AACS: variants seen among roughly 807,000 people sequenced by gnomAD.
AACS encodes the protein acetoacetyl-CoA synthetase.
Under a neutral mutation model 83.1 loss-of-function variants are expected in AACS, and 69 were observed. The observed-to-expected ratio is 0.83, with a 90% CI of 0.68 to 1.01. AACS has a LOEUF of 1.01. AACS is among the 50% of genes least tolerant of loss of function. The pLI, the probability that AACS is intolerant of heterozygous loss-of-function variation, is 0.00. For synonymous variants in AACS, 333 were observed against 343.4 expected (o/e 0.97, Z 0.33); for missense variants, 866 against 882.2 (o/e 0.98, Z 0.23).
At chr12:125,092,006 C>T (rs1265757336) in intron 5 of AACS, among the ~76,000 whole-genome samples, 1 of 152,224 alleles carries the variant, frequency 6.6e-6, no homozygotes, top group African/African-American at 2.4e-5. Context: ...GGTGGCCTCT[C>T]TGTCCCCAAA....
rs1956894839 is a variant in AACS, at chr12:125,109,066, T to C, written c.915+1798T>C. 1.3e-5 allele frequency among the ~76,000 whole-genome samples: 2 copies of C among 152,156 alleles called. 1 individual carries two copies. The highest frequency in any genetic ancestry group is 4.8e-5 in the African/African-American group (2 of 41,428). On this transcript the variant is annotated intron_variant, in intron 8 of 17. Transcript: ENST00000316519. ...TAGAAAAGCTGCAAGAATAGTAAGC[T>C]CCATGGTACCCTTCAGCTGAATTCT...
chr12:125,082,553 G>A (rs1200813853), intron 3 of AACS, among the ~76,000 whole-genome samples: 1 of 13,418 alleles, frequency 7.5e-5, no homozygotes, highest in East Asian at 1.6e-3. Context: ...CCAGCACGGT[G>A]GCTCACACCT....
In AACS at chr12:125,129,823, C is replaced by T. The variant is rs982649008; in HGVS notation, c.1549+363C>T. On this transcript the variant is annotated intron_variant, in intron 14 of 17. Coordinates refer to ENST00000316519, the MANE Select transcript of AACS (RefSeq NM_023928.5). This position sits in a 1 kb window ranked among gnomAD's most constrained non-coding sequence, Gnocchi z 4.3. ...ATGCCTGCCTGTTCACGAGGAGTGG[C>T]ATGTGGAAGTGGCGTCTGGCTCGGG... Among the ~76,000 whole-genome samples the T allele has an allele frequency of 1.3e-5, 2 of 152,122 alleles. No individual in the cohort carries two copies. Among genetic ancestry groups the T allele is most frequent in the African/African-American group, 2.4e-5 (1 of 41,426 alleles).
intron 12 of AACS, chr12:125,127,890 A>T (rs1311069038): frequency 3.6e-6 from 1 of 277,360 alleles, no homozygotes; most frequent in Admixed American, 5.1e-5. Flanking sequence ...GAATTTCAGC[A>T]TGACCACAGG....
intron 3 of AACS, 92 bp downstream of exon 3, chr12:125,076,703 C>T (rs1216977246): frequency 1.3e-6 from 2 of 1,547,908 alleles, no homozygotes; most frequent in Admixed American, 3.7e-5. Flanking sequence ...GATAGGATTT[C>T]TAAACCATAT....
rs1957296217 is a variant in AACS, at chr12:125,129,396, C to T, written c.1485C>T (p.Pro495=). 1 of 1,614,052 alleles carries T rather than the reference C, an allele frequency of 6.2e-7. No homozygotes were observed. The highest frequency in any genetic ancestry group is 8.5e-7 in the Non-Finnish European group (1 of 1,179,996). ...LVCTKPIPCQ[P]THFWNDENGN... is the part of the protein sequence containing the mutation. ...GTACTAAGCCGATCCCTTGCCAGCC[C>T]ACACACTTCTGGAACGATGAGAACG... Residue 495 remains proline (P), a synonymous_variant, in exon 14 of 18, where the codon CCC becomes CCT. Coordinates refer to ENST00000316519, the MANE Select transcript of AACS (RefSeq NM_023928.5). This position sits in a 1 kb window ranked among gnomAD's most constrained non-coding sequence, Gnocchi z 4.3.
intron 4 of AACS, among the ~76,000 whole-genome samples, chr12:125,087,579 C>T (rs1956367951): frequency 6.6e-6 from 1 of 152,222 alleles, no homozygotes; most frequent in South Asian, 2.1e-4. Context: ...ACAAGGACCA[C>T]AGGGGGCGGG....
intron 3 of AACS, among the ~76,000 whole-genome samples, chr12:125,083,830 T>G (rs1956261339): frequency 6.6e-6 from 1 of 151,978 alleles, no homozygotes; most frequent in African/African-American, 2.4e-5. Context: ...AGTTTTATAT[T>G]TTTAGTACAG....
intron 3 of AACS, among the ~76,000 whole-genome samples, chr12:125,080,232 C>T (rs942457146): frequency 3.3e-5 from 5 of 152,192 alleles, no homozygotes; most frequent in African/African-American, 1.2e-4. Flanking sequence ...TTTTCCTCGT[C>T]TCTTTAAATG....
Position 125,076,625 on chromosome 12 carries a change from G to A in AACS, c.358+14G>A. 1 of 1,613,662 alleles carries A rather than the reference G, an allele frequency of 6.2e-7. No individual in the cohort carries two copies. Among genetic ancestry groups the A allele is most frequent in the Non-Finnish European group, 8.5e-7 (1 of 1,179,780 alleles). Reference sequence around the variant, plus strand: ...TTTACATTGCAAGTAAGTCCTGATGGCGAGACCTGGGATTTCCTCCGTGGA... The same window carrying A: ...TTTACATTGCAAGTAAGTCCTGATGACGAGACCTGGGATTTCCTCCGTGGA... On this transcript the variant is annotated intron_variant, in intron 3 of 17. Transcript: ENST00000316519.
chr12:125,069,739 C>A (rs1247603163), intron 1 of AACS, among the ~76,000 whole-genome samples: 1 of 152,214 alleles, frequency 6.6e-6, no homozygotes, highest in Non-Finnish European at 1.5e-5. Flanking sequence ...ACAAGCTGCA[C>A]GTCGGCTCTC....
chr12:125,129,718 C>T lies in AACS; in HGVS notation c.1549+258C>T, dbSNP rs563870568. Among the ~76,000 whole-genome samples, 18 of 152,292 alleles carry T rather than the reference C, an allele frequency of 1.2e-4. No individual in the cohort carries two copies. Among genetic ancestry groups the T allele is most frequent in the African/African-American group, 4.3e-4 (18 of 41,550 alleles). Reference sequence around the variant, plus strand: ...CACCTCTGCCCAGAGCCTCTTGGCCCCAGCCCCTGCTGCTGGGAGCTGGCA... The same window carrying T: ...CACCTCTGCCCAGAGCCTCTTGGCCTCAGCCCCTGCTGCTGGGAGCTGGCA... On this transcript the variant is annotated intron_variant, in intron 14 of 17. Coordinates refer to ENST00000316519, the MANE Select transcript of AACS (RefSeq NM_023928.5). The surrounding 1 kb of genome is among the most constrained non-coding windows in gnomAD (Gnocchi z 4.3).
chr12:125,086,203 G>A (rs776499443), intron 3 of AACS, 127 bp from the exon 4 acceptor site: 22 of 745,736 alleles, frequency 3.0e-5, no homozygotes, highest in Middle Eastern at 2.4e-4. Flanking sequence ...TGTTCCCTGC[G>A]TCTGTTTTCC....
chr12:125,078,820 CAAAAAAAAA>C (rs71092270), intron 3 of AACS, among the ~76,000 whole-genome samples: 2 of 52,042 alleles, frequency 3.8e-5, no homozygotes, highest in South Asian at 1.0e-3. Flanking sequence ...GACTCCGTCT[CAAAAAAAAA>C]AAAAAAAAAA....
At position 125,076,618 on chromosome 12, in the gene AACS, C is replaced by A; in HGVS notation, c.358+7C>A. ...GTTGCCCTTTACATTGCAAGTAAGT[C>A]CTGATGGCGAGACCTGGGATTTCCT... On this transcript the variant is annotated splice_region_variant and intron_variant, in intron 3 of 17. Coordinates refer to ENST00000316519, the MANE Select transcript of AACS (RefSeq NM_023928.5). The A allele has an allele frequency of 1.2e-6, 2 of 1,613,762 alleles. No individual in the cohort carries two copies. Among genetic ancestry groups the A allele is most frequent in the Non-Finnish European group, 1.7e-6 (2 of 1,179,856 alleles).
At chr12:125,082,187 TTGGAGACAGGGTC>T (rs1202711989) in intron 3 of AACS, among the ~76,000 whole-genome samples, 18 of 150,376 alleles carry the variant, frequency 1.2e-4, no homozygotes, top group African/African-American at 4.2e-4. Flanking sequence ...TTTTTTTTTT[TTGGAGACAGGGTC>T]TTGATTTGTT....
At chr12:125,095,294 C>A (rs1297341368) in intron 5 of AACS, among the ~76,000 whole-genome samples, 1 of 152,114 alleles carries the variant, frequency 6.6e-6, no homozygotes, top group Non-Finnish European at 1.5e-5. Flanking sequence ...GTCAGAGGAC[C>A]CCTGAGTCTT....
chr12:125,123,310 G>A (rs1240851883), intron 10 of AACS: 1 of 152,224 alleles, frequency 6.6e-6, no homozygotes, highest in African/African-American at 2.4e-5. Context: ...TCCTCTGTTA[G>A]TGATACTTGC....
intron 1 of AACS, among the ~76,000 whole-genome samples, chr12:125,071,807 G>C (rs369804146): frequency 6.6e-6 from 1 of 152,208 alleles, no homozygotes; most frequent in African/African-American, 2.4e-5. Flanking sequence ...GGGGCTGGCC[G>C]CGTCTGCCTT....
Sources: gnomAD v4.1 joint callset for allele counts (sites outside exome capture counted in the v4.1 genomes callset) on GRCh38, gnomAD v4.1.1 for gene constraint, Gnocchi (gnomAD v3.1) non-coding constraint, MANE v1.5 for transcripts, NCBI Gene and HGNC (gene_info 2026-07-23, HGNC 2026-07-21) for gene names.